The following CSMD1 variants were observed in gnomAD, a reference collection of about 807,000 sequenced individuals.
The protein encoded by CSMD1 is CUB and sushi domain-containing protein 1.
Under a neutral mutation model 417.5 loss-of-function variants are expected in CSMD1, and 213 were observed. The ratio of observed to expected loss-of-function variants is 0.51; its 90% CI spans 0.46 to 0.57. The LOEUF is 0.57. Among genes scored for constraint, CSMD1 ranks in the 20% least tolerant of loss-of-function variants. CSMD1 has a pLI of 0.00. For missense variants in CSMD1, 6,923 were observed against 4,529.7 expected (o/e 1.53, Z -15.17); for synonymous variants, 2,862 against 1,736.8 (o/e 1.65, Z -16.11).
Position 3,413,777 on chromosome 8 carries a change from A to G in CSMD1, c.1562-4172T>C, listed in dbSNP as rs556810735. Among the ~76,000 whole-genome samples the G allele has an allele frequency of 8.5e-5, 13 of 152,304 alleles. 1 individual carries two copies. The South Asian group carries it at 2.1e-3, about 24-fold the overall frequency. On this transcript the variant is annotated intron_variant, in intron 12 of 69. Transcript: ENST00000635120. The stretch of plus-strand genomic sequence containing the variant: ...GAAGATGAGTAAGATACTGTTGACA[A>G]TGATACAGTATGTGTGTCAAACCCC...
intron 3 of CSMD1, among the ~76,000 whole-genome samples, chr8:4,070,818 C>G (rs541176705): frequency 6.6e-6 from 1 of 152,186 alleles, no homozygotes; most frequent in Non-Finnish European, 1.5e-5. Context: ...CTGACTCACC[C>G]TCATTCTTGA....
chr8:3,866,828 G>A (rs938150367), intron 5 of CSMD1, among the ~76,000 whole-genome samples: 4 of 152,072 alleles, frequency 2.6e-5, no homozygotes, highest in African/African-American at 9.7e-5. Context: ...CTTCAAATCG[G>A]TATTAATCAA....
At chr8:4,702,884 A>G (rs759066505) in intron 1 of CSMD1, among the ~76,000 whole-genome samples, 3 of 152,204 alleles carry the variant, frequency 2.0e-5, no homozygotes, top group Non-Finnish European at 2.9e-5. Context: ...AAAAGTCTCT[A>G]AAAAGTTAAT....
intron 1 of CSMD1, among the ~76,000 whole-genome samples, chr8:4,731,772 C>T (rs1003507819): frequency 2.0e-5 from 3 of 152,158 alleles, no homozygotes; most frequent in Admixed American, 1.3e-4. Flanking sequence ...GTGATGCTGG[C>T]TTCTACCACC....
intron 10 of CSMD1, among the ~76,000 whole-genome samples, chr8:3,503,646 C>T (rs1796699495): frequency 6.6e-6 from 1 of 152,198 alleles, no homozygotes; most frequent in Non-Finnish European, 1.5e-5. Context: ...CTTTGTGCTG[C>T]CCTGCTACAG....
intron 3 of CSMD1, among the ~76,000 whole-genome samples, chr8:4,329,126 C>A (rs1799721536): frequency 6.6e-6 from 1 of 152,168 alleles, no homozygotes; most frequent in South Asian, 2.1e-4. Context: ...TGTATGGCTT[C>A]CAAACGTGTG....
At chr8:4,135,698 T>C (rs962964509) in intron 3 of CSMD1, among the ~76,000 whole-genome samples, 67 of 152,178 alleles carry the variant, frequency 4.4e-4, no homozygotes, top group Non-Finnish European at 1.3e-4. Flanking sequence ...AGTCAGGATA[T>C]TATTATTGTA....
intron 4 of CSMD1, among the ~76,000 whole-genome samples, chr8:4,010,996 T>G (rs1816495320): frequency 6.6e-6 from 1 of 152,208 alleles, no homozygotes. Context: ...GCTCCCTTTC[T>G]GGGGGATGAC....
intron 23 of CSMD1, among the ~76,000 whole-genome samples, chr8:3,330,235 A>C (rs538609442): frequency 6.6e-6 from 1 of 152,364 alleles, no homozygotes; most frequent in African/African-American, 2.4e-5. Context: ...CATATGGTTA[A>C]AAACAACTTG....
At chr8:4,632,705 T>G (rs1303124596) in intron 2 of CSMD1, among the ~76,000 whole-genome samples, 3 of 152,162 alleles carry the variant, frequency 2.0e-5, no homozygotes, top group Non-Finnish European at 4.4e-5. Context: ...GGCTTCCAAT[T>G]GCAGTAGGTG....
chr8:4,443,589 C>T (rs965218416), intron 2 of CSMD1, among the ~76,000 whole-genome samples: 16 of 151,202 alleles, frequency 1.1e-4, no homozygotes, highest in Admixed American at 2.6e-4. Context: ...TATGCATTTG[C>T]TTAAAATATA....
chr8:3,903,722 A>G (rs1438869350), intron 5 of CSMD1, among the ~76,000 whole-genome samples: 1 of 152,174 alleles, frequency 6.6e-6, no homozygotes, highest in East Asian at 1.9e-4. Flanking sequence ...AAAGAAGCCA[A>G]CAGGACATCA....
intron 3 of CSMD1, among the ~76,000 whole-genome samples, chr8:4,116,762 C>T (rs568579532): frequency 1.3e-5 from 2 of 151,800 alleles, no homozygotes; most frequent in East Asian, 1.9e-4. Context: ...GCAGGGGGTG[C>T]GGGAAACTCT....
chr8:4,003,422 A>G (rs1052437839), intron 4 of CSMD1, among the ~76,000 whole-genome samples: 2 of 150,718 alleles, frequency 1.3e-5, no homozygotes, highest in Non-Finnish European at 2.9e-5. Flanking sequence ...AAACAAACAA[A>G]TAAATAAATA....
intron 3 of CSMD1, among the ~76,000 whole-genome samples, chr8:4,302,660 A>C (rs1248890111): frequency 6.6e-6 from 1 of 152,176 alleles, no homozygotes; most frequent in African/African-American, 2.4e-5. Context: ...ATAGCTGATT[A>C]ATGTTCAAAA....
chr8:3,935,679 G>T (rs1056382344), intron 5 of CSMD1, among the ~76,000 whole-genome samples: 2 of 152,092 alleles, frequency 1.3e-5, no homozygotes, highest in Non-Finnish European at 2.9e-5. Flanking sequence ...TGTGTGTTCT[G>T]ACTGCTCCAC....
chr8:3,886,688 A>G (rs1047020721), intron 5 of CSMD1, among the ~76,000 whole-genome samples: 3 of 152,186 alleles, frequency 2.0e-5, no homozygotes, highest in African/African-American at 4.8e-5. Context: ...AACCTACTAC[A>G]TGTTAGACAC....
intron 48 of CSMD1, 124 bp from the exon 49 acceptor site, chr8:3,087,409 G>A: frequency 2.0e-6 from 2 of 982,548 alleles, no homozygotes; most frequent in East Asian, 2.4e-5. Context: ...ATGAGCACCA[G>A]TATGTAAGTT....
intron 10 of CSMD1, among the ~76,000 whole-genome samples, chr8:3,504,838 G>C (rs57010698): frequency 0.014 from 2,133 of 152,230 alleles, 50 homozygotes; most frequent in African/African-American, 0.049. Flanking sequence ...CAAGAGAGTA[G>C]CAAGTTGAGA....
Sources: allele counts gnomAD v4.1 joint callset (sites outside exome capture counted in the v4.1 genomes callset), GRCh38; gene constraint gnomAD v4.1.1; transcripts MANE v1.5; gene names NCBI Gene and HGNC (gene_info 2026-07-23, HGNC 2026-07-21).